ATXN7: variants seen among roughly 807,000 people sequenced by gnomAD.
ATXN7 encodes the protein ataxin-7.
Under a neutral mutation model 70.5 loss-of-function variants are expected in ATXN7, and 12 were observed. The observed-to-expected ratio is 0.17, with a 90% CI of 0.11 to 0.28. ATXN7 has a LOEUF of 0.28. Ranked by LOEUF, ATXN7 falls within the 10% of genes least tolerant of loss-of-function variation. ATXN7 has a pLI of 1.00. For missense variants in ATXN7, 1,256 were observed against 1,131.7 expected (o/e 1.11, Z -1.58); for synonymous variants, 498 against 448.7 (o/e 1.11, Z -1.39).
chr3:63,956,636 T>G (rs1396919652), intron 5 of ATXN7, among the ~76,000 whole-genome samples: 1 of 152,098 alleles, frequency 6.6e-6, no homozygotes, highest in African/African-American at 2.4e-5. Flanking sequence ...AACAGCTCCC[T>G]GGGCTGATTC....
chr3:63,953,766 T>C lies in ATXN7; in HGVS notation c.499+1283T>C, dbSNP rs569673591. On this transcript the variant is annotated intron_variant, in intron 5 of 12. Transcript: ENST00000674280. ...CCCAGATTCAAGCAATTCCCTTGCT[T>C]CAGTCTCCTGAGTAGCTGGGACTAC... is the stretch of plus-strand genomic sequence containing the variant. 2.1e-3 allele frequency among the ~76,000 whole-genome samples: 326 copies of C among 152,022 alleles called. 2 individuals are homozygous for C. Among genetic ancestry groups the C allele is most frequent in the African/African-American group, 7.3e-3 (301 of 41,444 alleles).
At chr3:63,970,911 G>A (rs1381302485) in intron 5 of ATXN7, among the ~76,000 whole-genome samples, 6 of 152,164 alleles carry the variant, frequency 3.9e-5, no homozygotes, top group Non-Finnish European at 8.8e-5. Context: ...GTCATAAAGC[G>A]CTGACTTCAA....
chr3:63,945,648 T>A (rs1475213455), intron 4 of ATXN7, among the ~76,000 whole-genome samples: 3 of 152,330 alleles, frequency 2.0e-5, no homozygotes, highest in African/African-American at 7.2e-5. Flanking sequence ...TCAGCCAGGT[T>A]AGGCACCATT....
At chr3:63,870,037 C>A (rs1010970182) in intron 1 of ATXN7, among the ~76,000 whole-genome samples, 1 of 152,136 alleles carries the variant, frequency 6.6e-6, no homozygotes, top group Admixed American at 6.5e-5. Context: ...GAACAGAGAT[C>A]AGCAAATTTT....
At chr3:63,893,715 C>T (rs1196787632) in intron 1 of ATXN7, among the ~76,000 whole-genome samples, 1 of 152,190 alleles carries the variant, frequency 6.6e-6, no homozygotes, top group African/African-American at 2.4e-5. Flanking sequence ...GGCTCCCTCT[C>T]CACTTGTGTG....
intron 4 of ATXN7, among the ~76,000 whole-genome samples, chr3:63,944,121 G>C (rs558410640): frequency 1.3e-5 from 2 of 152,296 alleles, no homozygotes; most frequent in Non-Finnish European, 2.9e-5. Flanking sequence ...AGCTCACATT[G>C]TGAAATAGTC....
chr3:63,970,505 A>G (rs1298430680), intron 5 of ATXN7, among the ~76,000 whole-genome samples: 1 of 152,158 alleles, frequency 6.6e-6, no homozygotes, highest in Non-Finnish European at 1.5e-5. Flanking sequence ...TTTCAATAAA[A>G]TATTTGGATT....
intron 1 of ATXN7, chr3:63,878,397 A>C (rs559812059): frequency 6.6e-6 from 1 of 152,390 alleles, no homozygotes; most frequent in African/African-American, 2.4e-5. Flanking sequence ...GCTGTCTTTC[A>C]AGAGCACTCT....
rs201210034 is a variant in ATXN7, at chr3:63,982,157, A to G, written c.753-29A>G. ...CTGGGGGCTGCTGAGGCACTCAGGC[A>G]CTGGTTTTCTCACTTCCTCCTGTGA... On this transcript the variant is annotated intron_variant, in intron 6 of 12. Transcript: ENST00000674280. 20 of 1,613,482 alleles carry G rather than the reference A, an allele frequency of 1.2e-5. No homozygotes were observed. In the African/African-American group the frequency reaches 2.7e-4, roughly 22 times the overall value.
intron 4 of ATXN7, among the ~76,000 whole-genome samples, chr3:63,933,006 A>G (rs1191715491): frequency 6.6e-6 from 1 of 152,168 alleles, no homozygotes; most frequent in Non-Finnish European, 1.5e-5. Context: ...GCTTTTACCG[A>G]CAGTCCTACA....
At chr3:63,871,258 T>C (rs1473347514) in intron 1 of ATXN7, among the ~76,000 whole-genome samples, 1 of 152,204 alleles carries the variant, frequency 6.6e-6, no homozygotes, top group Non-Finnish European at 1.5e-5. Context: ...ATAAGAGGCA[T>C]GACTCAGTAT....
chr3:63,962,478 C>T (rs1470290420), intron 5 of ATXN7, among the ~76,000 whole-genome samples: 1 of 152,034 alleles, frequency 6.6e-6, no homozygotes, highest in East Asian at 1.9e-4. Context: ...AATCTCAGCT[C>T]ACTGCAGCCT....
intron 2 of ATXN7, chr3:63,904,244 A>C (rs558731657): frequency 6.6e-6 from 1 of 151,446 alleles, no homozygotes; most frequent in African/African-American, 2.4e-5. Context: ...AGATTTATTC[A>C]TGTTGGAGCA....
intron 4 of ATXN7, among the ~76,000 whole-genome samples, chr3:63,934,171 C>T (rs1334461756): frequency 6.6e-6 from 1 of 152,160 alleles, no homozygotes; most frequent in Non-Finnish European, 1.5e-5. Flanking sequence ...TCTGAAACCA[C>T]CCCCTTGTGT....
intron 5 of ATXN7, among the ~76,000 whole-genome samples, chr3:63,959,329 G>T (rs1273185760): frequency 6.6e-6 from 1 of 152,252 alleles, no homozygotes; most frequent in Non-Finnish European, 1.5e-5. Flanking sequence ...CTTGTACCAG[G>T]TCTTTCTCCA....
intron 8 of ATXN7, among the ~76,000 whole-genome samples, chr3:63,986,159 C>A (rs150567411): frequency 3.0e-4 from 45 of 152,242 alleles, no homozygotes; most frequent in Non-Finnish European, 6.3e-4. Flanking sequence ...AGGGGCAGAG[C>A]AAATTCCTTA....
At chr3:63,977,487 A>AGT (rs2106744586) in intron 5 of ATXN7, among the ~76,000 whole-genome samples, 1 of 152,284 alleles carries the variant, frequency 6.6e-6, no homozygotes, top group South Asian at 2.1e-4. Context: ...CTGTTCCTTT[A>AGT]GTGCACTGTT....
chr3:63,879,920 A>C (rs905157042), intron 1 of ATXN7, among the ~76,000 whole-genome samples: 1 of 122,666 alleles, frequency 8.2e-6, no homozygotes, highest in Non-Finnish European at 2.1e-5. Context: ...CATCTCTACT[A>C]AAAAAAATAC....
intron 12 of ATXN7, chr3:63,997,714 T>C (rs997283598): frequency 2.0e-5 from 31 of 1,551,040 alleles, no homozygotes; most frequent in Middle Eastern, 1.7e-4. Flanking sequence ...TGATTTTTTT[T>C]CCCCTTCCTC....
Sources: gnomAD v4.1 joint callset for allele counts (sites outside exome capture counted in the v4.1 genomes callset) on GRCh38, gnomAD v4.1.1 for gene constraint, MANE v1.5 for transcripts, NCBI Gene and HGNC (gene_info 2026-07-23, HGNC 2026-07-21) for gene names.